HUNK: variants seen among roughly 807,000 people sequenced by gnomAD.
HUNK encodes the protein hormonally up-regulated neu tumor-associated kinase.
A neutral mutation model predicts 61.0 loss-of-function variants in HUNK; 21 were observed. The observed-to-expected ratio is 0.34, with a 90% CI of 0.24 to 0.50. HUNK has a LOEUF of 0.50. HUNK is among the 20% of genes least tolerant of loss of function. The pLI, the probability that HUNK is intolerant of heterozygous loss-of-function variation, is 0.98. For synonymous variants in HUNK, 371 were observed against 386.1 expected, an observed-to-expected ratio of 0.96 and a Z score of 0.46; for missense variants, 772 against 945.7, an observed-to-expected ratio of 0.82 and a Z score of 2.41.
At chr21:31,895,686 T>TA (rs1458522123) in intron 1 of HUNK, among the ~76,000 whole-genome samples, 1 of 152,146 alleles carries the variant, frequency 6.6e-6, no homozygotes, top group African/African-American at 2.4e-5. Context: ...GCCTTTGAAA[T>TA]AGAGTTGCTC....
At chr21:31,997,719 C>T (rs148394149) in intron 10 of HUNK, among the ~76,000 whole-genome samples, 6 of 152,270 alleles carry the variant, frequency 3.9e-5, no homozygotes, top group Non-Finnish European at 8.8e-5. Flanking sequence ...ATTTCTGCTA[C>T]GTGTTTTTTA....
chr21:31,944,801 G>A (rs747774902), intron 3 of HUNK, among the ~76,000 whole-genome samples: 68 of 152,202 alleles, frequency 4.5e-4, no homozygotes, highest in Non-Finnish European at 7.9e-4. Flanking sequence ...GTCTTCAAGA[G>A]TTTTCTGAGC....
rs544377305 is a variant in HUNK at position 32,002,825 on chromosome 21, G to A, written c.*3641G>A. The A allele has an allele frequency of 1.2e-4, 18 of 152,258 alleles. No homozygotes were observed. Among genetic ancestry groups the A allele is most frequent in the African/African-American group, 4.3e-4 (18 of 41,538 alleles). 9.4% of individuals were successfully genotyped at this position (152,258 alleles called of 1,614,324 possible). ...GAAGTGAGGGGACGAAGCCTTAGAG[G>A]GTGACATAGCTAGAAAGTGGAGAAG... is the stretch of plus-strand genomic sequence containing the variant. On this transcript the variant is annotated 3_prime_UTR_variant, in exon 11 of 11. Coordinates refer to ENST00000270112, the MANE Select transcript of HUNK (RefSeq NM_014586.2).
rs531147849 is a variant in HUNK at position 31,955,150 on chromosome 21, C to T, written c.747-3693C>T. Among the ~76,000 whole-genome samples, 5 of 152,256 alleles carry T rather than the reference C, an allele frequency of 3.3e-5. No homozygotes were observed. The South Asian group carries it at 6.2e-4, about 19-fold the overall frequency. On this transcript the variant is annotated intron_variant, in intron 4 of 10. Transcript: ENST00000270112. ...GCCACTGGTCTGAGGACGAACCACA[C>T]GCTATTCCAGTCACCAGGAGACTTT...
At chr21:31,911,330 G>T (rs1009945931) in intron 1 of HUNK, among the ~76,000 whole-genome samples, 7 of 152,250 alleles carry the variant, frequency 4.6e-5, no homozygotes, top group Admixed American at 4.6e-4. Flanking sequence ...GGGGCACAGG[G>T]GTTGTGAGCT....
At chr21:31,912,021 T>C (rs2052549282) in intron 1 of HUNK, among the ~76,000 whole-genome samples, 1 of 152,196 alleles carries the variant, frequency 6.6e-6, no homozygotes, top group Non-Finnish European at 1.5e-5. Flanking sequence ...GTACCTACTT[T>C]CTAGCATTGG....
chr21:31,876,818 T>TA (rs1477480961), intron 1 of HUNK, among the ~76,000 whole-genome samples: 2 of 152,196 alleles, frequency 1.3e-5, no homozygotes, highest in East Asian at 3.9e-4. Flanking sequence ...ATTTATTTTT[T>TA]AAATTTTTTA....
intron 1 of HUNK, among the ~76,000 whole-genome samples, chr21:31,878,340 G>A (rs2052281884): frequency 6.6e-6 from 1 of 151,348 alleles, no homozygotes; most frequent in South Asian, 2.1e-4. Context: ...TAGAAACCAC[G>A]TATAATGTTT....
At position 31,922,350 on chromosome 21, in the gene HUNK, G is replaced by A. The variant is rs139462101; in HGVS notation, c.262-2118G>A. On this transcript the variant is annotated intron_variant, in intron 1 of 10. Transcript: ENST00000270112. ...GTTTTCTTTCTTTTTTTTTGAGACG[G>A]AGTTTTGTTCTTGTTGCCCAGTCTG... Among the ~76,000 whole-genome samples the A allele has an allele frequency of 7.5e-3, 1,117 of 148,356 alleles. 52 individuals carry two copies. The highest frequency in any genetic ancestry group is 0.069 in the Admixed American group (1,023 of 14,742).
At chr21:31,972,800 T>G (rs2053020862) in intron 6 of HUNK, among the ~76,000 whole-genome samples, 1 of 152,182 alleles carries the variant, frequency 6.6e-6, no homozygotes, top group Non-Finnish European at 1.5e-5. Context: ...TTGTTGGGTG[T>G]GTTTTCATTT....
At chr21:31,916,973 G>T (rs1354790145) in intron 1 of HUNK, among the ~76,000 whole-genome samples, 2 of 152,058 alleles carry the variant, frequency 1.3e-5, no homozygotes, top group Admixed American at 6.6e-5. Context: ...ACCACACCCG[G>T]CCGGGTTTCC....
intron 4 of HUNK, among the ~76,000 whole-genome samples, chr21:31,952,299 G>T (rs1018910363): frequency 6.6e-6 from 1 of 152,090 alleles, no homozygotes; most frequent in Non-Finnish European, 1.5e-5. Context: ...TTGCTTTCAG[G>T]TGGAAGTTAT....
chr21:31,882,475 C>T (rs1358627380), intron 1 of HUNK, among the ~76,000 whole-genome samples: 3 of 152,130 alleles, frequency 2.0e-5, no homozygotes, highest in Admixed American at 2.0e-4. Flanking sequence ...TCCAGAGATA[C>T]CCTATATGCA....
At chr21:31,888,307 G>A (rs183622679) in intron 1 of HUNK, among the ~76,000 whole-genome samples, 172 of 152,286 alleles carry the variant, frequency 1.1e-3, no homozygotes, top group African/African-American at 4.0e-3. Context: ...AGCCCTGGGC[G>A]TTACTGGGAT....
In HUNK at chr21:31,931,242, G is replaced by C. The variant is rs375710786; in HGVS notation, c.554+6482G>C. Among the ~76,000 whole-genome samples the C allele has an allele frequency of 8.4e-4, 128 of 152,170 alleles. 2 individuals carry two copies. The East Asian group carries it at 0.02, about 24-fold the overall frequency. ...TCCAACTTAATCCTGTCTGAGTTGG[G>C]TCTATCCTTCCCTGGGCCCCTTCTC... On this transcript the variant is annotated intron_variant, in intron 2 of 10. Coordinates refer to ENST00000270112, the MANE Select transcript of HUNK (RefSeq NM_014586.2).
chr21:31,911,178 C>CG (rs766912695), intron 1 of HUNK, among the ~76,000 whole-genome samples: 33 of 152,250 alleles, frequency 2.2e-4, no homozygotes, highest in Non-Finnish European at 3.4e-4. Flanking sequence ...CGCCTGTGTG[C>CG]GGGGGCTGTT....
intron 1 of HUNK, among the ~76,000 whole-genome samples, chr21:31,911,178 CG>C (rs766912695): frequency 1.3e-5 from 2 of 152,132 alleles, no homozygotes; most frequent in Non-Finnish European, 2.9e-5. Flanking sequence ...CGCCTGTGTG[CG>C]GGGGCTGTTC....
At chr21:31,977,662 T>C (rs917124776) in intron 7 of HUNK, among the ~76,000 whole-genome samples, 2 of 152,228 alleles carry the variant, frequency 1.3e-5, no homozygotes, top group African/African-American at 4.8e-5. Context: ...AGAGACATTT[T>C]ATCTGAAGCT....
chr21:31,950,653 G>A (rs1207595750), intron 4 of HUNK, among the ~76,000 whole-genome samples: 1 of 152,126 alleles, frequency 6.6e-6, no homozygotes, highest in Non-Finnish European at 1.5e-5. Context: ...GTCTGATTTT[G>A]TGTCTGAGAT....
Sources: gnomAD v4.1 joint callset for allele counts (sites outside exome capture counted in the v4.1 genomes callset) on GRCh38, gnomAD v4.1.1 for gene constraint, MANE v1.5 for transcripts, NCBI Gene and HGNC (gene_info 2026-07-23, HGNC 2026-07-21) for gene names.